UNC5A: variants seen among roughly 807,000 people sequenced by gnomAD.
UNC5A encodes the protein netrin receptor UNC5A.
Under a neutral mutation model 87.4 loss-of-function variants are expected in UNC5A, and 20 were observed. That is an observed-to-expected ratio of 0.23 (90% CI 0.16 to 0.33). UNC5A has a LOEUF of 0.33. Among genes scored for constraint, UNC5A ranks in the 10% least tolerant of loss-of-function variants. The pLI is 1.00. For synonymous variants in UNC5A, 438 were observed against 482.3 expected (o/e 0.91, Z 1.20); for missense variants, 844 against 1,133.4 (o/e 0.74, Z 3.67).
intron 2 of UNC5A, among the ~76,000 whole-genome samples, chr5:176,864,058 G>A (rs1161405191): frequency 6.6e-6 from 1 of 151,688 alleles, no homozygotes; most frequent in Non-Finnish European, 1.5e-5. Flanking sequence ...CCATTGCCGT[G>A]AGGCTCAAGC....
intron 1 of UNC5A, among the ~76,000 whole-genome samples, chr5:176,812,926 T>C (rs1019473615): frequency 3.3e-5 from 5 of 152,160 alleles, no homozygotes; most frequent in African/African-American, 1.2e-4. Context: ...CCGCGCTGCC[T>C]TTTGCCTCCG....
At position 176,869,861 on chromosome 5, in the gene UNC5A, C is replaced by T. The variant is rs1758067030; in HGVS notation, c.722-509C>T. The T allele has an allele frequency of 3.5e-6, 2 of 574,390 alleles. No homozygotes were observed. Among genetic ancestry groups the T allele is most frequent in the Non-Finnish European group, 6.2e-6 (2 of 320,458 alleles). 35.6% of individuals were successfully genotyped at this position (574,390 alleles called of 1,614,324 possible). On this transcript the variant is annotated intron_variant, in intron 5 of 14. Transcript: ENST00000329542. The surrounding 1 kb of genome is among the most constrained non-coding windows in gnomAD (Gnocchi z 9.1). ...TGGCTCCATCGCGCCCACCAGCCTG[C>T]CCCCCCATGGCTCCATCCCACCCAC...
intron 13 of UNC5A, 25 bp downstream of exon 13, chr5:176,878,664 GC>G (rs1218896144): frequency 6.3e-7 from 1 of 1,596,498 alleles, no homozygotes; most frequent in Non-Finnish European, 8.6e-7. Flanking sequence ...CTGCCGCACC[GC>G]CGTGACGTGC....
intron 1 of UNC5A, among the ~76,000 whole-genome samples, chr5:176,811,433 G>A (rs751011353): frequency 5.3e-5 from 8 of 152,248 alleles, no homozygotes; most frequent in Non-Finnish European, 7.3e-5. Flanking sequence ...GGTCCCGGTG[G>A]CCGGGGCTGT....
intron 1 of UNC5A, among the ~76,000 whole-genome samples, chr5:176,811,308 A>G (rs1022277320): frequency 1.3e-5 from 2 of 152,222 alleles, no homozygotes; most frequent in Non-Finnish European, 2.9e-5. Context: ...GCCCACGTCC[A>G]GAACACAGTG....
rs1460993133 is a variant in UNC5A, at chr5:176,869,079, G to A, written c.721+115G>A. 11 of 1,204,306 alleles carry A rather than the reference G, an allele frequency of 9.1e-6. No homozygotes were observed. Among genetic ancestry groups the A allele is most frequent in the African/African-American group, 3.1e-5 (2 of 64,826 alleles). The allele number at this position is 1,204,306 out of a possible 1,614,324, so 74.6% of individuals were successfully genotyped here. A position where few individuals can be genotyped will look rare whatever the true frequency, so the allele number is the denominator to read the frequency against. On this transcript the variant is annotated intron_variant, in intron 5 of 14. Coordinates refer to ENST00000329542, the MANE Select transcript of UNC5A (RefSeq NM_133369.3). This position sits in a 1 kb window ranked among gnomAD's most constrained non-coding sequence, Gnocchi z 9.1. ...AGGCCAAAGCCAGGTGGACCAGATC[G>A]TGCCTGACTAGGCAGGATAAGCAAA...
intron 6 of UNC5A, among the ~76,000 whole-genome samples, chr5:176,870,987 CG>C (rs1268659253): frequency 1.0e-5 from 1 of 100,194 alleles, no homozygotes; most frequent in South Asian, 4.0e-4. Flanking sequence ...TGCCCACGCT[CG>C]CCCCACACCA....
At chr5:176,813,598 G>T (rs1013012189) in intron 1 of UNC5A, among the ~76,000 whole-genome samples, 3 of 152,172 alleles carry the variant, frequency 2.0e-5, no homozygotes, top group Non-Finnish European at 4.4e-5. Context: ...GCCTGTGTTG[G>T]GAGGGGGGGC....
chr5:176,817,899 C>G (rs1034942212), intron 1 of UNC5A, among the ~76,000 whole-genome samples: 1 of 151,906 alleles, frequency 6.6e-6, no homozygotes, highest in African/African-American at 2.4e-5. Flanking sequence ...GCTGCAAACT[C>G]CGGCGGCCAA....
chr5:176,855,096 C>T (rs1757634177), intron 1 of UNC5A, among the ~76,000 whole-genome samples: 1 of 152,260 alleles, frequency 6.6e-6, no homozygotes, highest in African/African-American at 2.4e-5. Context: ...GCTGTGCCTC[C>T]AGGTCCATGG....
chr5:176,851,830 T>C (rs1757549672), intron 1 of UNC5A, among the ~76,000 whole-genome samples: 1 of 152,176 alleles, frequency 6.6e-6, no homozygotes, highest in African/African-American at 2.4e-5. Flanking sequence ...TACTCGGCCT[T>C]ATGGTGCGTG....
Position 176,878,465 on chromosome 5 carries a change from T to A in UNC5A, c.2020-10T>A, listed in dbSNP as rs2304516. On this transcript the variant is annotated splice_polypyrimidine_tract_variant and intron_variant, in intron 12 of 14. Transcript: ENST00000329542. Reference sequence around the variant, plus strand: ...GCTCACCTGACACCTCCTCTCTGCATCCCCATCAGGAGATCCCCTTTTATC... The same window carrying A: ...GCTCACCTGACACCTCCTCTCTGCAACCCCATCAGGAGATCCCCTTTTATC... 0.77 allele frequency: 1,243,235 copies of A among 1,611,448 alleles called. 490,832 individuals are homozygous for A. The highest frequency in any genetic ancestry group is 0.82 in the Non-Finnish European group (962,566 of 1,178,596).
intron 1 of UNC5A, among the ~76,000 whole-genome samples, chr5:176,830,920 G>A (rs1291787161): frequency 2.2e-5 from 3 of 135,622 alleles, no homozygotes; most frequent in Non-Finnish European, 4.5e-5. Flanking sequence ...GCCGGCGTGT[G>A]TGTGGGTGTG....
Position 176,844,323 on chromosome 5 carries a change from G to A in UNC5A, c.71-18301G>A, listed in dbSNP as rs916415036. Among the ~76,000 whole-genome samples, 1 of 152,266 alleles carries A rather than the reference G, an allele frequency of 6.6e-6. No individual in the cohort carries two copies. Among genetic ancestry groups the A allele is most frequent in the Non-Finnish European group, 1.5e-5 (1 of 67,998 alleles). On this transcript the variant is annotated intron_variant, in intron 1 of 14. Transcript: ENST00000329542. The surrounding 1 kb of genome is among the most constrained non-coding windows in gnomAD (Gnocchi z 4.2). ...GTGGCACAGCTGAGGAAGCCCCACCGCTGGAGTCCCAGGGTGGAGGTGGGC... is the reference window on the plus strand; with the variant it reads ...GTGGCACAGCTGAGGAAGCCCCACCACTGGAGTCCCAGGGTGGAGGTGGGC...
chr5:176,857,133 C>A (rs1274616207), intron 1 of UNC5A, among the ~76,000 whole-genome samples: 3 of 152,214 alleles, frequency 2.0e-5, no homozygotes, highest in Non-Finnish European at 4.4e-5. Flanking sequence ...GAAAGTCTGC[C>A]CCTTCTACCT....
At chr5:176,812,571 G>A (rs554616624) in intron 1 of UNC5A, among the ~76,000 whole-genome samples, 7 of 152,300 alleles carry the variant, frequency 4.6e-5, no homozygotes, top group South Asian at 4.1e-4. Context: ...CACAGGTACC[G>A]GTGAAGCAGG....
intron 1 of UNC5A, among the ~76,000 whole-genome samples, chr5:176,845,441 G>A (rs1363921538): frequency 6.6e-6 from 1 of 152,160 alleles, no homozygotes; most frequent in Non-Finnish European, 1.5e-5. Context: ...ACCTCCTCTT[G>A]GCCCCTGCCC....
In UNC5A at chr5:176,869,541, C is replaced by A. The variant is rs549103455; in HGVS notation, c.721+577C>A. On this transcript the variant is annotated intron_variant, in intron 5 of 14. Transcript: ENST00000329542. This position sits in a 1 kb window ranked among gnomAD's most constrained non-coding sequence, Gnocchi z 9.1. ...CCAGCTCACAGCCCCTCTGCCCTCA[C>A]GCCCCGTCCCCTGGGCCAGTGTATC... is the stretch of plus-strand genomic sequence containing the variant. The A allele has an allele frequency of 3.1e-6, 2 of 655,158 alleles. No individual in the cohort carries two copies. The highest frequency in any genetic ancestry group is 5.6e-6 in the Non-Finnish European group (2 of 357,420). The allele number at this position is 655,158 out of a possible 1,614,324, so 40.6% of individuals were successfully genotyped here.
intron 1 of UNC5A, among the ~76,000 whole-genome samples, chr5:176,837,838 C>T (rs1387615514): frequency 3.9e-5 from 6 of 152,178 alleles, no homozygotes; most frequent in Non-Finnish European, 7.4e-5. Context: ...GCTTTCAGCA[C>T]CGTGGACAGC....
Sources: allele counts gnomAD v4.1 joint callset (sites outside exome capture counted in the v4.1 genomes callset), GRCh38; gene constraint gnomAD v4.1.1; non-coding constraint Gnocchi (gnomAD v3.1); transcripts MANE v1.5; gene names NCBI Gene and HGNC (gene_info 2026-07-23, HGNC 2026-07-21).